The following KLHL29 variants were observed in gnomAD, a reference collection of about 807,000 sequenced individuals.
KLHL29 encodes kelch like family member 29.
In KLHL29, 21 loss-of-function variants were observed where a neutral mutation model predicts 80.4. That is an observed-to-expected ratio of 0.26 (90% CI 0.19 to 0.38). KLHL29 has a LOEUF of 0.38. Among genes scored for constraint, KLHL29 ranks in the 10% least tolerant of loss-of-function variants. KLHL29 has a pLI of 1.00. For missense variants in KLHL29, 867 were observed against 1,223.9 expected (o/e 0.71, Z 4.35); for synonymous variants, 511 against 526.8 (o/e 0.97, Z 0.41).
chr2:23,666,746 A>T (rs903648902), intron 5 of KLHL29, among the ~76,000 whole-genome samples: 1 of 152,218 alleles, frequency 6.6e-6, no homozygotes, highest in Non-Finnish European at 1.5e-5. Context: ...CAGACAGCAC[A>T]TGTGGAGCAC....
At chr2:23,545,912 C>T (rs1666967930) in intron 2 of KLHL29, among the ~76,000 whole-genome samples, 2 of 152,248 alleles carry the variant, frequency 1.3e-5, no homozygotes, top group Admixed American at 6.5e-5. Context: ...GGCCAGTCCT[C>T]TGCAGACCCC....
At chr2:23,463,116 C>T (rs1418173824) in intron 1 of KLHL29, among the ~76,000 whole-genome samples, 1 of 146,076 alleles carries the variant, frequency 6.8e-6, no homozygotes, top group Non-Finnish European at 1.5e-5. Flanking sequence ...ACTAGAGTGA[C>T]TTTTTGAGTC....
intron 4 of KLHL29, among the ~76,000 whole-genome samples, chr2:23,641,027 CCT>C (rs1251156742): frequency 9.9e-5 from 15 of 152,148 alleles, no homozygotes; most frequent in African/African-American, 3.6e-4. Flanking sequence ...TACTCCCCTT[CCT>C]CTGTCTCCCC....
chr2:23,557,445 C>G (rs73919756), intron 2 of KLHL29, among the ~76,000 whole-genome samples: 1,921 of 152,254 alleles, frequency 0.013, 37 homozygotes, highest in African/African-American at 0.043. Flanking sequence ...CGTAATGAGG[C>G]TGCAACTAGA....
At chr2:23,654,121 C>T (rs1357277721) in intron 5 of KLHL29, among the ~76,000 whole-genome samples, 3 of 151,882 alleles carry the variant, frequency 2.0e-5, no homozygotes, top group African/African-American at 2.4e-5. Flanking sequence ...GAGCCAAGAT[C>T]GCACCACTGC....
At chr2:23,610,366 A>G (rs1226100260) in intron 3 of KLHL29, among the ~76,000 whole-genome samples, 1 of 152,180 alleles carries the variant, frequency 6.6e-6, no homozygotes, top group Non-Finnish European at 1.5e-5. Context: ...GTGAGCTTTT[A>G]TGGAGAATCT....
chr2:23,674,079 C>T (rs1049761268), intron 5 of KLHL29, among the ~76,000 whole-genome samples: 1 of 152,188 alleles, frequency 6.6e-6, no homozygotes, highest in Admixed American at 6.5e-5. Context: ...GAAGAACCAG[C>T]CATCCCCTCC....
At chr2:23,679,437 G>C (rs1671014112) in intron 5 of KLHL29, among the ~76,000 whole-genome samples, 1 of 152,206 alleles carries the variant, frequency 6.6e-6, no homozygotes, top group African/African-American at 2.4e-5. Flanking sequence ...TGGAGAGTGA[G>C]TGAAAGTGAG....
intron 1 of KLHL29, among the ~76,000 whole-genome samples, chr2:23,423,309 T>A (rs1387515358): frequency 1.3e-5 from 2 of 152,136 alleles, no homozygotes; most frequent in African/African-American, 4.8e-5. Flanking sequence ...CCTGGCCGAC[T>A]GACCTCCCGG....
At chr2:23,600,688 C>T (rs1209974990) in intron 3 of KLHL29, among the ~76,000 whole-genome samples, 1 of 152,164 alleles carries the variant, frequency 6.6e-6, no homozygotes, top group African/African-American at 2.4e-5. Context: ...TGGATGTCTT[C>T]TGGAGGGGAG....
intron 1 of KLHL29, among the ~76,000 whole-genome samples, chr2:23,440,307 C>T (rs902737949): frequency 6.6e-6 from 1 of 151,724 alleles, no homozygotes; most frequent in Non-Finnish European, 1.5e-5. Flanking sequence ...CCCTTCCTTA[C>T]ACCTTATACA....
At chr2:23,469,318 G>A (rs1272488312) in intron 1 of KLHL29, among the ~76,000 whole-genome samples, 4 of 152,164 alleles carry the variant, frequency 2.6e-5, no homozygotes, top group African/African-American at 7.2e-5. Context: ...CTCAACACCC[G>A]CACCCACCGC....
At chr2:23,575,550 T>C (rs1385918793) in intron 3 of KLHL29, among the ~76,000 whole-genome samples, 1 of 152,118 alleles carries the variant, frequency 6.6e-6, no homozygotes, top group East Asian at 1.9e-4. Context: ...CTGTGAACCC[T>C]CCCCAGTCTC....
At chr2:23,454,435 A>T (rs780187526) in intron 1 of KLHL29, among the ~76,000 whole-genome samples, 4 of 152,156 alleles carry the variant, frequency 2.6e-5, no homozygotes, top group Admixed American at 6.5e-5. Flanking sequence ...AACGAATTTT[A>T]TTTTTATGCT....
intron 2 of KLHL29, among the ~76,000 whole-genome samples, chr2:23,483,792 C>G (rs756155856): frequency 3.9e-5 from 6 of 152,164 alleles, no homozygotes; most frequent in Admixed American, 2.6e-4. Context: ...TCACACAGCC[C>G]ATCAGGCAGA....
Position 23,556,836 on chromosome 2 carries a change from C to T in KLHL29, c.-45-5316C>T, listed in dbSNP as rs116383056. ...AAACTGTCTCTACCCTGCACCTCAGCGTGGCCTATTTCCACCCGTGAATAC... is the reference window on the plus strand; with the variant it reads ...AAACTGTCTCTACCCTGCACCTCAGTGTGGCCTATTTCCACCCGTGAATAC... On this transcript the variant is annotated intron_variant, in intron 2 of 13. Transcript: ENST00000486442. Among the ~76,000 whole-genome samples, 400 of 152,322 alleles carry T rather than the reference C, an allele frequency of 2.6e-3. 1 individual carries two copies. Among genetic ancestry groups the T allele is most frequent in the Middle Eastern group, 6.8e-3 (2 of 294 alleles).
At chr2:23,490,006 G>T (rs1165184898) in intron 2 of KLHL29, among the ~76,000 whole-genome samples, 5 of 152,334 alleles carry the variant, frequency 3.3e-5, no homozygotes, top group African/African-American at 1.2e-4. Flanking sequence ...GCAATGGATT[G>T]TTTCCCCGCC....
intron 3 of KLHL29, among the ~76,000 whole-genome samples, chr2:23,566,942 C>T (rs1667603126): frequency 6.6e-6 from 1 of 152,174 alleles, no homozygotes; most frequent in Non-Finnish European, 1.5e-5. Flanking sequence ...GTGCTGGAGG[C>T]TGAAGAAAGG....
In KLHL29 at chr2:23,684,400, A is replaced by T. The variant is rs1466276802; in HGVS notation, c.942A>T (p.Glu314Asp). 1 of 1,525,540 alleles carries T rather than the reference A, an allele frequency of 6.6e-7. No homozygotes were observed. The highest frequency in any genetic ancestry group is 8.8e-7 in the Non-Finnish European group (1 of 1,135,420). 94.5% of individuals were successfully genotyped at this position (1,525,540 alleles called of 1,614,324 possible). The part of the protein sequence containing the change: ...YEFTDPGHPR[E>D]MLKELNQQRR... ...CTGTCTGTCTTCTCTGTTCTGCAGAAATGTTGAAGGAATTGAACCAGCAAC... is the reference window on the plus strand; with the variant it reads ...CTGTCTGTCTTCTCTGTTCTGCAGATATGTTGAAGGAATTGAACCAGCAAC... The change falls in exon 6 of 14, where the codon GAA (glutamate) becomes GAT (aspartate). Residue 314 changes from glutamate to aspartate, a missense_variant and splice_region_variant. By Grantham distance (45) the Glu-to-Asp change is conservative (BLOSUM62 2). This residue lies in a region of KLHL29 where 443 missense variants were observed against 767.0 expected (regional missense o/e 0.58). Transcript: ENST00000486442. The surrounding 1 kb of genome is among the most constrained non-coding windows in gnomAD (Gnocchi z 4.4).
Sources: allele counts gnomAD v4.1 joint callset (sites outside exome capture counted in the v4.1 genomes callset), GRCh38; gene constraint gnomAD v4.1.1; regional missense constraint gnomAD v4.1.1; non-coding constraint Gnocchi (gnomAD v3.1); transcripts MANE v1.5; gene names NCBI Gene and HGNC (gene_info 2026-07-23, HGNC 2026-07-21).